The following QSOX1 variants were observed in gnomAD, a reference collection of about 807,000 sequenced individuals.
The protein encoded by QSOX1 is quiescin sulfhydryl oxidase 1.
In QSOX1, 40 loss-of-function variants were observed where a neutral mutation model predicts 76.1. The observed-to-expected ratio is 0.53, with a 90% CI of 0.41 to 0.68. The LOEUF (loss-of-function observed/expected upper bound fraction) is 0.68, where lower values mean the gene tolerates loss of function less well. Among genes scored for constraint, QSOX1 ranks in the 30% least tolerant of loss-of-function variants. The pLI is 0.00. For synonymous variants in QSOX1, 392 were observed against 413.1 expected, an observed-to-expected ratio of 0.95 and a Z score of 0.62; for missense variants, 931 against 974.3, an observed-to-expected ratio of 0.96 and a Z score of 0.59.
intron 7 of QSOX1, 100 bp from the exon 8 acceptor site, chr1:180,185,953 G>C: frequency 7.1e-7 from 1 of 1,402,118 alleles, no homozygotes; most frequent in South Asian, 1.2e-5. Context: ...ACCATCAGCA[G>C]TGCCCCTTCT....
chr1:180,178,687 G>A (rs980616271), intron 4 of QSOX1, 107 bp from the exon 5 acceptor site: 30 of 950,080 alleles, frequency 3.2e-5, no homozygotes, highest in Non-Finnish European at 3.6e-5. Context: ...GGAGGAGGGC[G>A]GGATGGCCAT....
intron 8 of QSOX1, among the ~76,000 whole-genome samples, chr1:180,188,553 C>T (rs979334732): frequency 6.6e-6 from 1 of 152,238 alleles, no homozygotes; most frequent in Non-Finnish European, 1.5e-5. Context: ...CGTGTGGGCT[C>T]ACCAGGAGGG....
chr1:180,179,439 C>T (rs1222697888), intron 5 of QSOX1, among the ~76,000 whole-genome samples: 2 of 152,262 alleles, frequency 1.3e-5, no homozygotes, highest in African/African-American at 2.4e-5. Flanking sequence ...CTGCAGTGCC[C>T]TGTCTAGAAA....
At chr1:180,169,193 G>A (rs1662706357) in intron 2 of QSOX1, among the ~76,000 whole-genome samples, 1 of 152,240 alleles carries the variant, frequency 6.6e-6, no homozygotes, top group Admixed American at 6.5e-5. Context: ...CGTGGGAGAG[G>A]GAGGGGCTGG....
At chr1:180,159,157 C>G (rs1662438100) in intron 1 of QSOX1, among the ~76,000 whole-genome samples, 1 of 152,212 alleles carries the variant, frequency 6.6e-6, no homozygotes, top group African/African-American at 2.4e-5. Context: ...ACTTCTCTTG[C>G]CTCGCCACCC....
chr1:180,157,210 T>A (rs1351886660), intron 1 of QSOX1, among the ~76,000 whole-genome samples: 2 of 152,168 alleles, frequency 1.3e-5, no homozygotes, highest in Admixed American at 1.3e-4. Flanking sequence ...GGTGGGAGAT[T>A]TCAGTGGAAA....
At position 180,197,472 on chromosome 1, in the gene QSOX1, G is replaced by C; in HGVS notation, c.*435G>C. ...ATGGAACTCCTCACTAGCTGCTGGG[G>C]CTCCGCCCACCCTGCTCCCTTCCGG... On this transcript the variant is annotated 3_prime_UTR_variant, in exon 12 of 12. Coordinates refer to ENST00000367602, the MANE Select transcript of QSOX1 (RefSeq NM_002826.5). 1 of 1,383,442 alleles carries C rather than the reference G, an allele frequency of 7.2e-7. No individual in the cohort carries two copies. The highest frequency in any genetic ancestry group is 1.0e-6 in the Non-Finnish European group (1 of 987,902). The allele number at this position is 1,383,442 out of a possible 1,614,324, so 85.7% of individuals were successfully genotyped here. A position where few individuals can be genotyped will look rare whatever the true frequency, so the allele number is the denominator to read the frequency against.
chr1:180,178,676 C>T (rs1024756590), intron 4 of QSOX1, 118 bp from the exon 5 acceptor site: 9 of 844,040 alleles, frequency 1.1e-5, no homozygotes, highest in African/African-American at 6.7e-5. Flanking sequence ...TGTGTGGAAG[C>T]GGAGGAGGGC....
chr1:180,155,676 G>A (rs1233748249), intron 1 of QSOX1, among the ~76,000 whole-genome samples: 1 of 152,150 alleles, frequency 6.6e-6, no homozygotes, highest in East Asian at 1.9e-4. Context: ...CCACTCCCTC[G>A]ACTGGTTGAC....
chr1:180,181,566 A>G (rs1228126871), intron 5 of QSOX1, among the ~76,000 whole-genome samples: 7 of 152,194 alleles, frequency 4.6e-5, no homozygotes, highest in East Asian at 1.9e-4. Context: ...TATCCTACCC[A>G]TGAAATTTGT....
At chr1:180,174,240 A>C (rs556139097) in intron 2 of QSOX1, among the ~76,000 whole-genome samples, 1 of 151,592 alleles carries the variant, frequency 6.6e-6, no homozygotes, top group African/African-American at 2.4e-5. Context: ...CGCAGGCAAA[A>C]GCCTTGGCAG....
intron 7 of QSOX1, among the ~76,000 whole-genome samples, chr1:180,185,027 C>T (rs1273688889): frequency 6.6e-6 from 1 of 152,148 alleles, no homozygotes; most frequent in Non-Finnish European, 1.5e-5. Context: ...GTGCTGGGCA[C>T]CTTCCCTGTG....
rs1208790761 is a variant in QSOX1 at position 180,155,014 on chromosome 1, A to T, written c.107A>T (p.Tyr36Phe). 1 of 1,512,938 alleles carries T rather than the reference A, an allele frequency of 6.6e-7. No homozygotes were observed. The highest frequency in any genetic ancestry group is 8.8e-7 in the Non-Finnish European group (1 of 1,138,110). 93.7% of individuals were successfully genotyped at this position (1,512,938 alleles called of 1,614,324 possible). Residue 36 changes from tyrosine to phenylalanine, a missense_variant, in exon 1 of 12, where the codon TAT (tyrosine) becomes TTT (phenylalanine). Tyr to Phe is a conservative substitution (Grantham distance 22). Transcript: ENST00000367602. Reference protein sequence around the residue: ...GANAAPRSALYSPSDPLTLLQ... With the variant: ...GANAAPRSALFSPSDPLTLLQ... ...AACGCGGCCCCGCGGTCGGCGCTCT[A>T]TTCGCCTTCCGACCCGCTGACGCTG...
intron 8 of QSOX1, 106 bp from the exon 9 acceptor site, chr1:180,189,446 G>A (rs1408845311): frequency 3.4e-5 from 4 of 119,166 alleles, no homozygotes; most frequent in African/African-American, 7.2e-5. Flanking sequence ...ACTGCCCCCC[G>A]CCCCCCGCCC....
At position 180,202,555 on chromosome 1, in the gene QSOX1, G is replaced by A. The variant is rs1316771531; in HGVS notation, c.*5518G>A. The A allele has an allele frequency of 6.6e-6, 1 of 151,990 alleles. No homozygotes were observed. Among genetic ancestry groups the A allele is most frequent in the Non-Finnish European group, 1.5e-5 (1 of 68,032 alleles). The allele number at this position is 151,990 out of a possible 1,614,324, so 9.4% of individuals were successfully genotyped here. ...AATGGTTACAGAGTTCTGCCCTGGG[G>A]AGGGAGGAATTGCTTAGCAAATGAT... On this transcript the variant is annotated 3_prime_UTR_variant, in exon 12 of 12. Coordinates refer to ENST00000367602, the MANE Select transcript of QSOX1 (RefSeq NM_002826.5).
At position 180,197,307 on chromosome 1, in the gene QSOX1, C is replaced by T; in HGVS notation, c.*270C>T. ...CATAGGGCAGCTCAGTCCCTGGCCT[C>T]TTAGCACCACATTCCTGTTTTTCAG... On this transcript the variant is annotated 3_prime_UTR_variant, in exon 12 of 12. Coordinates refer to ENST00000367602, the MANE Select transcript of QSOX1 (RefSeq NM_002826.5). 6.2e-7 allele frequency: 1 copy of T among 1,613,986 alleles called. No individual in the cohort carries two copies. Among genetic ancestry groups the T allele is most frequent in the Non-Finnish European group, 8.5e-7 (1 of 1,180,020 alleles).
rs372497386 is a variant in QSOX1, at chr1:180,189,754, CCTT to C, written c.1140+85_1140+87del. 9.1e-4 allele frequency: 1,339 copies of C among 1,479,024 alleles called. 5 individuals are homozygous for C. In the African/African-American group the frequency reaches 0.017, roughly 18 times the overall value. The allele number at this position is 1,479,024 out of a possible 1,614,324, so 91.6% of individuals were successfully genotyped here. A position where few individuals can be genotyped will look rare whatever the true frequency, so the allele number is the denominator to read the frequency against. ...AAGGGGTTAACCCTGTCATTTCTGA[CCTT>C]CTTCGCCAGTTTGCACCAGGGAGTC... On this transcript the variant is annotated intron_variant, in intron 9 of 11. Transcript: ENST00000367602.
intron 5 of QSOX1, among the ~76,000 whole-genome samples, chr1:180,179,434 G>A (rs569430928): frequency 6.6e-6 from 1 of 152,386 alleles, no homozygotes; most frequent in East Asian, 1.9e-4. Context: ...TCCAGCTGCA[G>A]TGCCCTGTCT....
At chr1:180,158,683 G>A (rs1359276082) in intron 1 of QSOX1, among the ~76,000 whole-genome samples, 8 of 152,010 alleles carry the variant, frequency 5.3e-5, no homozygotes, top group Non-Finnish European at 7.4e-5. Flanking sequence ...TGAATTCTTC[G>A]GTGTAGAGTC....
Sources: gnomAD v4.1 joint callset for allele counts (sites outside exome capture counted in the v4.1 genomes callset) on GRCh38, gnomAD v4.1.1 for gene constraint, MANE v1.5 for transcripts, NCBI Gene and HGNC (gene_info 2026-07-23, HGNC 2026-07-21) for gene names.